Variants in MACROD2 observed in about 807,000 individuals in gnomAD.
The protein encoded by MACROD2 is ADP-ribose glycohydrolase MACROD2.
A neutral mutation model predicts 70.4 loss-of-function variants in MACROD2; 36 were observed. The ratio of observed to expected loss-of-function variants is 0.51; its 90% CI spans 0.39 to 0.68. The LOEUF (loss-of-function observed/expected upper bound fraction) is 0.68. MACROD2 is among the 30% of genes least tolerant of loss of function. The probability of loss-of-function intolerance (pLI) is 0.00; values close to 1 mark genes in which losing one functional copy is unlikely to be tolerated. For missense variants in MACROD2, 496 were observed against 538.4 expected (o/e 0.92, Z 0.78); for synonymous variants, 172 against 178.8 (o/e 0.96, Z 0.30).
chr20:15,781,373 T>G (rs1221071572), intron 8 of MACROD2, among the ~76,000 whole-genome samples: 2 of 152,200 alleles, frequency 1.3e-5, no homozygotes, highest in East Asian at 3.9e-4. Flanking sequence ...GGGAAACTGA[T>G]CTGGCCCTGG....
chr20:14,080,975 A>G (rs2053986388), intron 2 of MACROD2, among the ~76,000 whole-genome samples: 1 of 152,220 alleles, frequency 6.6e-6, no homozygotes, highest in Non-Finnish European at 1.5e-5. Context: ...GAACAATAAG[A>G]GGGACTGACA....
chr20:16,029,097 T>C (rs2067119162), intron 15 of MACROD2, among the ~76,000 whole-genome samples: 1 of 152,188 alleles, frequency 6.6e-6, no homozygotes, highest in Non-Finnish European at 1.5e-5. Context: ...TGTCCTCGCA[T>C]GGCAGAGCAG....
At chr20:14,356,367 T>G (rs978637096) in intron 3 of MACROD2, among the ~76,000 whole-genome samples, 1 of 152,072 alleles carries the variant, frequency 6.6e-6, no homozygotes, top group Non-Finnish European at 1.5e-5. Flanking sequence ...ATAACAAACC[T>G]CCCCAAAATT....
chr20:15,026,421 T>C (rs2075232288), intron 5 of MACROD2, among the ~76,000 whole-genome samples: 1 of 151,958 alleles, frequency 6.6e-6, no homozygotes, highest in South Asian at 2.1e-4. Context: ...CACTATCATC[T>C]TGTTACTAGA....
At chr20:14,368,648 C>CTA (rs2083295707) in intron 3 of MACROD2, among the ~76,000 whole-genome samples, 1 of 152,024 alleles carries the variant, frequency 6.6e-6, no homozygotes, top group East Asian at 1.9e-4. Flanking sequence ...TTGTCCCTTG[C>CTA]TATAGCATGT....
At chr20:14,735,097 C>T (rs2071646624) in intron 5 of MACROD2, among the ~76,000 whole-genome samples, 1 of 151,906 alleles carries the variant, frequency 6.6e-6, no homozygotes, top group African/African-American at 2.4e-5. Flanking sequence ...ACATATGACA[C>T]CAACAAGTAA....
rs1242906665 is a variant in MACROD2 at position 14,091,179 on chromosome 20, T to G, written c.271+5451T>G. Among the ~76,000 whole-genome samples the G allele has an allele frequency of 2.0e-5, 3 of 152,220 alleles. No individual in the cohort carries two copies. The South Asian group carries it at 6.2e-4, about 32-fold the overall frequency. On this transcript the variant is annotated intron_variant, in intron 3 of 17. Coordinates refer to ENST00000684519, the MANE Select transcript of MACROD2 (RefSeq NM_001351661.2). The stretch of plus-strand genomic sequence containing the variant: ...TTCAGATGTATTTTTTGCAAATATT[T>G]TCTCCCATTTTGTGGGTTGTCTCTT...
chr20:15,184,937 G>A (rs1290516561), intron 5 of MACROD2, among the ~76,000 whole-genome samples: 1 of 152,202 alleles, frequency 6.6e-6, no homozygotes, highest in Non-Finnish European at 1.5e-5. Context: ...GGGAGCTGTT[G>A]TTTCAGTAGG....
chr20:15,802,477 A>T (rs985845069), intron 8 of MACROD2, among the ~76,000 whole-genome samples: 1 of 152,142 alleles, frequency 6.6e-6, no homozygotes, highest in Non-Finnish European at 1.5e-5. Context: ...CATTCTGTTG[A>T]TGTGCTGTAT....
At chr20:15,601,884 C>T (rs945273244) in intron 8 of MACROD2, among the ~76,000 whole-genome samples, 5 of 151,906 alleles carry the variant, frequency 3.3e-5, no homozygotes, top group East Asian at 1.9e-4. Context: ...AAAAACTAGC[C>T]GGGTGTGTTG....
At chr20:15,093,895 T>C (rs2075810025) in intron 5 of MACROD2, among the ~76,000 whole-genome samples, 1 of 152,162 alleles carries the variant, frequency 6.6e-6, no homozygotes. Flanking sequence ...TTTTTACAGA[T>C]GCAGAAATTG....
intron 3 of MACROD2, among the ~76,000 whole-genome samples, chr20:14,125,716 A>T (rs1169138375): frequency 1.3e-5 from 2 of 152,028 alleles, no homozygotes; most frequent in African/African-American, 4.8e-5. Flanking sequence ...TATTTGGTCT[A>T]TTTTCTATAG....
chr20:16,003,332 T>C (rs1181738848), intron 15 of MACROD2, among the ~76,000 whole-genome samples: 1 of 146,618 alleles, frequency 6.8e-6, no homozygotes, highest in East Asian at 2.0e-4. Flanking sequence ...ATTAGGACTT[T>C]ATGAAAGTTT....
At chr20:14,999,373 T>C (rs1600928850) in intron 5 of MACROD2, among the ~76,000 whole-genome samples, 1 of 152,164 alleles carries the variant, frequency 6.6e-6, no homozygotes, top group East Asian at 1.9e-4. Flanking sequence ...TATGTGAACA[T>C]ATAGGCCAGG....
intron 3 of MACROD2, among the ~76,000 whole-genome samples, chr20:14,468,684 G>A (rs866271833): frequency 2.6e-4 from 39 of 152,054 alleles, no homozygotes; most frequent in African/African-American, 7.0e-4. Context: ...GCTAACTGTC[G>A]TATTTTTAGT....
intron 8 of MACROD2, among the ~76,000 whole-genome samples, chr20:15,688,615 T>C (rs1458050408): frequency 1.3e-5 from 2 of 152,238 alleles, no homozygotes; most frequent in African/African-American, 4.8e-5. Flanking sequence ...CTTCTAAATA[T>C]AAGTTTTAAA....
At chr20:16,031,744 T>C (rs1340260301) in intron 15 of MACROD2, among the ~76,000 whole-genome samples, 2 of 152,184 alleles carry the variant, frequency 1.3e-5, no homozygotes, top group Non-Finnish European at 2.9e-5. Flanking sequence ...AATGCACATT[T>C]GCTAGTACCT....
intron 8 of MACROD2, among the ~76,000 whole-genome samples, chr20:15,846,290 T>C (rs971880835): frequency 6.6e-6 from 1 of 152,214 alleles, no homozygotes; most frequent in Non-Finnish European, 1.5e-5. Context: ...ATGGTAAACA[T>C]TGTGAAATAA....
intron 7 of MACROD2, among the ~76,000 whole-genome samples, chr20:15,481,792 G>A (rs2047101855): frequency 6.6e-6 from 1 of 152,188 alleles, no homozygotes; most frequent in African/African-American, 2.4e-5. Context: ...AGTTAAGAGA[G>A]AAGGTGACTA....
Sources: gnomAD v4.1 joint callset for allele counts (sites outside exome capture counted in the v4.1 genomes callset) on GRCh38, gnomAD v4.1.1 for gene constraint, MANE v1.5 for transcripts, NCBI Gene and HGNC (gene_info 2026-07-23, HGNC 2026-07-21) for gene names.